PRDM5: variants seen among roughly 807,000 people sequenced by gnomAD.
PRDM5 encodes the protein PR domain zinc finger protein 5.
Under a neutral mutation model 81.2 loss-of-function variants are expected in PRDM5, and 56 were observed. The observed-to-expected ratio is 0.69, with a 90% confidence interval of 0.56 to 0.86. The LOEUF (loss-of-function observed/expected upper bound fraction) is 0.86. PRDM5 is among the 40% of genes least tolerant of loss of function. The pLI is 0.00. For missense variants in PRDM5, 697 were observed against 770.1 expected (o/e 0.91, Z 1.12); for synonymous variants, 267 against 256.4 (o/e 1.04, Z -0.39).
intron 3 of PRDM5, among the ~76,000 whole-genome samples, chr4:120,835,899 C>T (rs1757299252): frequency 6.6e-6 from 1 of 152,008 alleles, no homozygotes; most frequent in Non-Finnish European, 1.5e-5. Flanking sequence ...GGTAGCTGTC[C>T]ACAACACCTA....
At position 120,719,351 on chromosome 4, in the gene PRDM5, C is replaced by A. The variant is rs183355890; in HGVS notation, c.1624-8938G>T. Among the ~76,000 whole-genome samples, 75 of 152,244 alleles carry A rather than the reference C, an allele frequency of 4.9e-4. 1 individual carries two copies. The highest frequency in any genetic ancestry group is 3.4e-3 in the Middle Eastern group (1 of 294). On this transcript the variant is annotated intron_variant, in intron 14 of 15. Transcript: ENST00000264808. The stretch of plus-strand genomic sequence containing the variant: ...ATGCTTTTATAAAATATATTAAAAA[C>A]GAATTACTAGAAAAATTATCATGTA...
chr4:120,833,096 C>G (rs1374307013), intron 3 of PRDM5, among the ~76,000 whole-genome samples: 2 of 152,140 alleles, frequency 1.3e-5, no homozygotes, highest in Non-Finnish European at 2.9e-5. Flanking sequence ...AATAACAGTA[C>G]AGTAGCCCCC....
chr4:120,811,895 T>C (rs948908554), intron 7 of PRDM5, among the ~76,000 whole-genome samples: 1 of 152,070 alleles, frequency 6.6e-6, no homozygotes, highest in Non-Finnish European at 1.5e-5. Flanking sequence ...CCAATTCTAT[T>C]CTTTTATTTT....
intron 10 of PRDM5, 139 bp downstream of exon 10, chr4:120,798,128 T>C (rs988593971): frequency 7.2e-6 from 4 of 556,102 alleles, no homozygotes; most frequent in Non-Finnish European, 1.2e-5. Flanking sequence ...TGAGGGGTTA[T>C]GGCCCAGGTG....
chr4:120,921,767 T>C (rs1010408714), intron 1 of PRDM5, among the ~76,000 whole-genome samples: 17 of 152,110 alleles, frequency 1.1e-4, no homozygotes, highest in East Asian at 5.8e-4. Context: ...CATCCAACAC[T>C]TTCAGGCCCT....
intron 14 of PRDM5, among the ~76,000 whole-genome samples, chr4:120,748,834 A>C (rs1743539175): frequency 6.6e-6 from 1 of 152,018 alleles, no homozygotes; most frequent in South Asian, 2.1e-4. Flanking sequence ...CCAGGGTCTG[A>C]CTGCATCCTA....
At chr4:120,726,855 A>G (rs1739490962) in intron 14 of PRDM5, among the ~76,000 whole-genome samples, 1 of 152,226 alleles carries the variant, frequency 6.6e-6, no homozygotes, top group Non-Finnish European at 1.5e-5. Context: ...GACACTTAGC[A>G]TGCAGCAGCC....
intron 9 of PRDM5, among the ~76,000 whole-genome samples, chr4:120,798,974 T>C (rs551140131): frequency 1.3e-5 from 2 of 152,364 alleles, no homozygotes; most frequent in South Asian, 2.1e-4. Flanking sequence ...GGTTTTGATC[T>C]GATTTTAATT....
At chr4:120,791,184 T>C (rs1750524253) in intron 10 of PRDM5, among the ~76,000 whole-genome samples, 1 of 152,178 alleles carries the variant, frequency 6.6e-6, no homozygotes, top group East Asian at 1.9e-4. Flanking sequence ...ATTCCACACC[T>C]GAGATCTATG....
intron 2 of PRDM5, among the ~76,000 whole-genome samples, chr4:120,875,750 C>T (rs2148559794): frequency 6.6e-6 from 1 of 152,272 alleles, no homozygotes; most frequent in Non-Finnish European, 1.5e-5. Context: ...GGGCAAAATA[C>T]AAATGACTAG....
At chr4:120,909,163 T>G (rs56004809) in intron 1 of PRDM5, among the ~76,000 whole-genome samples, 12,762 of 152,222 alleles carry the variant, frequency 0.084, 561 homozygotes, top group East Asian at 0.15. Flanking sequence ...TGGCGATGAT[T>G]AGACATAGTA....
At chr4:120,708,445 T>C (rs1465350433) in intron 15 of PRDM5, among the ~76,000 whole-genome samples, 1 of 152,068 alleles carries the variant, frequency 6.6e-6, no homozygotes, top group Non-Finnish European at 1.5e-5. Flanking sequence ...TAGGTAAGTC[T>C]ATAGAAGTGA....
At chr4:120,809,742 T>C (rs143271892) in intron 8 of PRDM5, among the ~76,000 whole-genome samples, 338 of 152,338 alleles carry the variant, frequency 2.2e-3, no homozygotes, top group Non-Finnish European at 2.6e-3. Context: ...CATTCTCAAC[T>C]ATAGGAAAAG....
intron 8 of PRDM5, among the ~76,000 whole-genome samples, chr4:120,801,070 C>A (rs913951743): frequency 3.9e-5 from 6 of 152,164 alleles, no homozygotes. Context: ...TCCCAATGAA[C>A]AACAGCATCA....
At position 120,887,936 on chromosome 4, in the gene PRDM5, G is replaced by T. The variant is rs1284132165; in HGVS notation, c.177+19538C>A. Among the ~76,000 whole-genome samples, 6 of 105,690 alleles carry T rather than the reference G, an allele frequency of 5.7e-5. 1 individual carries two copies. Among genetic ancestry groups the T allele is most frequent in the Non-Finnish European group, 1.1e-4 (6 of 55,814 alleles). The allele number at this position is 105,690 out of a possible 152,430, so 69.3% of individuals were successfully genotyped here. A position where few individuals can be genotyped will look rare whatever the true frequency, so the allele number is the denominator to read the frequency against. On this transcript the variant is annotated intron_variant, in intron 2 of 15. Transcript: ENST00000264808. ...GCCTCCCAAGTAGCTGGGACTACAG[G>T]CGCCCGCCACTACGCCCGGCTAATT...
intron 13 of PRDM5, among the ~76,000 whole-genome samples, chr4:120,766,249 A>G (rs1849076): frequency 0.15 from 22,770 of 152,140 alleles, 2,573 homozygotes; most frequent in African/African-American, 0.3. Flanking sequence ...ATGAGCCACC[A>G]CACCCAGCTG....
At chr4:120,805,438 T>C (rs947021349) in intron 8 of PRDM5, among the ~76,000 whole-genome samples, 1 of 152,194 alleles carries the variant, frequency 6.6e-6, no homozygotes, top group Admixed American at 6.5e-5. Flanking sequence ...AGAACATCGA[T>C]GCAAAAATCC....
chr4:120,767,462 C>T (rs568818605), intron 13 of PRDM5, among the ~76,000 whole-genome samples: 2 of 151,836 alleles, frequency 1.3e-5, no homozygotes, highest in African/African-American at 4.8e-5. Context: ...ATTTGATTTC[C>T]GAAATTGTTG....
chr4:120,837,376 T>A (rs1757482897), intron 3 of PRDM5: 1 of 152,216 alleles, frequency 6.6e-6, no homozygotes, highest in Admixed American at 6.5e-5. Flanking sequence ...AAGTAAAACA[T>A]TATCATAGAG....
Sources: allele counts gnomAD v4.1 joint callset (sites outside exome capture counted in the v4.1 genomes callset), GRCh38; gene constraint gnomAD v4.1.1; transcripts MANE v1.5; gene names NCBI Gene and HGNC (gene_info 2026-07-23, HGNC 2026-07-21).